FUT8: variants seen among roughly 807,000 people sequenced by gnomAD.
The protein encoded by FUT8 is fucosyltransferase 8.
A neutral mutation model predicts 71.3 loss-of-function variants in FUT8; 29 were observed. That is an observed-to-expected ratio of 0.41 (90% CI 0.30 to 0.55). FUT8 has a LOEUF of 0.55. FUT8 is among the 20% of genes least tolerant of loss of function. The probability of loss-of-function intolerance (pLI) is 0.34; values close to 1 mark genes in which losing one functional copy is unlikely to be tolerated. For synonymous variants in FUT8, 254 were observed against 239.3 expected, an observed-to-expected ratio of 1.06 and a Z score of -0.57; for missense variants, 544 against 702.1, an observed-to-expected ratio of 0.77 and a Z score of 2.55.
At chr14:65,691,276 T>A (rs547749465) in intron 7 of FUT8, among the ~76,000 whole-genome samples, 11 of 151,262 alleles carry the variant, frequency 7.3e-5, no homozygotes, top group Admixed American at 3.9e-4. Flanking sequence ...ACTGACTGAT[T>A]CCTTTTATTT....
chr14:65,710,514 A>G (rs1042272465), intron 7 of FUT8, among the ~76,000 whole-genome samples: 4 of 152,306 alleles, frequency 2.6e-5, no homozygotes, highest in East Asian at 1.9e-4. Context: ...ATTTTCTTCT[A>G]TAAGTGTAAA....
chr14:65,381,609 C>T, the FUT8 span, among the ~76,000 whole-genome samples: 1 of 152,212 alleles, frequency 6.6e-6, no homozygotes, highest in South Asian at 2.1e-4. Flanking sequence ...GTCATTCATA[C>T]CTTCCATCTC....
intron 1 of FUT8, among the ~76,000 whole-genome samples, chr14:65,434,886 G>A (rs12879971): frequency 0.35 from 53,310 of 151,738 alleles, 11,616 homozygotes; most frequent in Non-Finnish European, 0.49. Context: ...TCCACACTGC[G>A]ATACACAGTT....
intron 2 of FUT8, among the ~76,000 whole-genome samples, chr14:65,520,653 A>G (rs1420520159): frequency 2.0e-5 from 3 of 151,992 alleles, no homozygotes; most frequent in Non-Finnish European, 4.4e-5. Context: ...ATTTTAGTGT[A>G]GTTACTGGAG....
chr14:65,421,629 T>C (rs2065296229), intron 1 of FUT8, among the ~76,000 whole-genome samples: 1 of 152,190 alleles, frequency 6.6e-6, no homozygotes. Flanking sequence ...CCTTCTACAT[T>C]ACCTGGTACT....
At chr14:65,610,419 C>T (rs374129526) in intron 3 of FUT8, among the ~76,000 whole-genome samples, 3 of 141,002 alleles carry the variant, frequency 2.1e-5, no homozygotes, top group Non-Finnish European at 4.6e-5. Flanking sequence ...AACAAAGTTT[C>T]GCTCTTGTTG....
At chr14:65,712,508 G>C (rs1894855517) in intron 7 of FUT8, among the ~76,000 whole-genome samples, 1 of 152,210 alleles carries the variant, frequency 6.6e-6, no homozygotes, top group Non-Finnish European at 1.5e-5. Flanking sequence ...CAAATGGCAT[G>C]ATGTCGGCTC....
chr14:65,706,433 T>G (rs563780489), intron 7 of FUT8, among the ~76,000 whole-genome samples: 1 of 152,200 alleles, frequency 6.6e-6, no homozygotes, highest in African/African-American at 2.4e-5. Context: ...CAGATAAGAG[T>G]GTTACCTGTC....
At chr14:65,407,558 T>C (rs1052736864), upstream of FUT8, among the ~76,000 whole-genome samples, 2 of 152,336 alleles carry the variant, frequency 1.3e-5, no homozygotes, top group East Asian at 3.9e-4. Flanking sequence ...CCACCTTGGC[T>C]TCCCAAAATG....
intron 3 of FUT8, among the ~76,000 whole-genome samples, chr14:65,579,814 C>A (rs1008813671): frequency 6.6e-6 from 1 of 151,894 alleles, no homozygotes; most frequent in African/African-American, 2.4e-5. Context: ...TCTTGCTATG[C>A]CGTAATCCTT....
At chr14:65,538,495 G>A (rs139779355) in intron 2 of FUT8, among the ~76,000 whole-genome samples, 2,426 of 152,292 alleles carry the variant, frequency 0.016, 37 homozygotes, top group Non-Finnish European at 0.027. Context: ...CCTCCTGGCT[G>A]CATCTGGTCG....
chr14:65,613,128 CT>C (rs1438825150), intron 3 of FUT8, among the ~76,000 whole-genome samples: 5 of 151,640 alleles, frequency 3.3e-5, no homozygotes, highest in African/African-American at 4.9e-5. Flanking sequence ...TAGATTGGAA[CT>C]CTTTGTGGAA....
chr14:65,395,211 G>A, the FUT8 span, among the ~76,000 whole-genome samples: 2 of 152,224 alleles, frequency 1.3e-5, no homozygotes, highest in South Asian at 4.1e-4. Context: ...TTGAGTGTCT[G>A]TGGCTTTTCC....
intron 2 of FUT8, among the ~76,000 whole-genome samples, chr14:65,538,814 G>C (rs1044530599): frequency 6.6e-6 from 1 of 152,166 alleles, no homozygotes; most frequent in African/African-American, 2.4e-5. Context: ...CAGCTACTCA[G>C]GAGGCTGAGG....
At chr14:65,644,702 A>G (rs537554866) in intron 6 of FUT8, among the ~76,000 whole-genome samples, 10 of 152,330 alleles carry the variant, frequency 6.6e-5, no homozygotes, top group South Asian at 4.1e-4. Context: ...GTGAACCACT[A>G]TTCCTAGGGG....
Position 65,424,331 on chromosome 14 carries a change from C to T in FUT8, c.-326+11117C>T, listed in dbSNP as rs550482868. Among the ~76,000 whole-genome samples, 432 of 152,250 alleles carry T rather than the reference C, an allele frequency of 2.8e-3. 3 individuals are homozygous for T. The highest frequency in any genetic ancestry group is 5.2e-3 in the Non-Finnish European group (357 of 68,020). On this transcript the variant is annotated intron_variant, in intron 1 of 10. Transcript: ENST00000673929. ...AAATTTATGTAGTTATGATTTAATACTGCATCTTTACTCTTTTGAGACAGG... is the reference window on the plus strand; with the variant it reads ...AAATTTATGTAGTTATGATTTAATATTGCATCTTTACTCTTTTGAGACAGG...
chr14:65,373,032 GTAAT>G, the FUT8 span, among the ~76,000 whole-genome samples: 97 of 152,030 alleles, frequency 6.4e-4, no homozygotes, highest in Non-Finnish European at 1.1e-3. Flanking sequence ...TTTCAGATAA[GTAAT>G]AAATAATTTA....
intron 2 of FUT8, among the ~76,000 whole-genome samples, chr14:65,552,664 G>A (rs540708324): frequency 4.6e-5 from 7 of 152,240 alleles, no homozygotes; most frequent in South Asian, 2.1e-4. Flanking sequence ...TACTTCAAAT[G>A]TGCTCCCTTC....
At chr14:65,510,701 A>G (rs1882279869) in intron 2 of FUT8, among the ~76,000 whole-genome samples, 2 of 152,096 alleles carry the variant, frequency 1.3e-5, no homozygotes, top group South Asian at 4.1e-4. Context: ...TAAGTTTTCC[A>G]ATTTATTGGC....
Sources: gnomAD v4.1 joint callset for allele counts (sites outside exome capture counted in the v4.1 genomes callset) on GRCh38, gnomAD v4.1.1 for gene constraint, MANE v1.5 for transcripts, NCBI Gene and HGNC (gene_info 2026-07-23, HGNC 2026-07-21) for gene names.